Variants in MTR observed in about 807,000 individuals in gnomAD.
The protein encoded by MTR is 5-methyltetrahydrofolate-homocysteine methyltransferase, also known as methionine synthase.
In MTR, 84 loss-of-function variants were observed where a neutral mutation model predicts 154.8. The observed-to-expected ratio is 0.54, with a 90% CI of 0.45 to 0.65. MTR has a LOEUF of 0.65. MTR is among the 30% of genes least tolerant of loss of function. The pLI, the probability that MTR is intolerant of heterozygous loss-of-function variation, is 0.00. For missense variants in MTR, 1,275 were observed against 1,570.2 expected (o/e 0.81, Z 3.18); for synonymous variants, 554 against 553.9 (o/e 1.00, Z 0.00).
intron 22 of MTR, among the ~76,000 whole-genome samples, chr1:236,872,182 G>A (rs1469556453): frequency 6.0e-4 from 92 of 152,148 alleles, no homozygotes; most frequent in Non-Finnish European, 1.3e-4. Context: ...CATTTTCCAG[G>A]GCAGACATTC....
rs187578122 is a variant in MTR at position 236,896,107 on chromosome 1, G to A, written c.3598+557G>A. On this transcript the variant is annotated intron_variant, in intron 31 of 32. Transcript: ENST00000366577. Reference sequence around the variant, plus strand: ...TCTAAAAGCTGAAAATGACAAGCTGGCATGTGCCTTTCTGAGACAAAGGCC... The same window carrying A: ...TCTAAAAGCTGAAAATGACAAGCTGACATGTGCCTTTCTGAGACAAAGGCC... 5.9e-5 allele frequency among the ~76,000 whole-genome samples: 9 copies of A among 152,312 alleles called. No homozygotes were observed. In the East Asian group the frequency reaches 1.7e-3, roughly 29 times the overall value.
At chr1:236,808,058 G>A (rs1438175038) in intron 3 of MTR, among the ~76,000 whole-genome samples, 1 of 152,146 alleles carries the variant, frequency 6.6e-6, no homozygotes, top group South Asian at 2.1e-4. Flanking sequence ...GAATTCAAAG[G>A]AACTTGAAAA....
At chr1:236,896,900 C>T (rs1572352198) in intron 31 of MTR, 106 bp from the exon 32 acceptor site, 8 of 838,416 alleles carry the variant, frequency 9.5e-6, no homozygotes, top group Admixed American at 3.4e-5. Context: ...GGCATGAGCT[C>T]GCTTTGGTTC....
chr1:236,815,979 G>T (rs1349207341), intron 7 of MTR, among the ~76,000 whole-genome samples: 1 of 152,148 alleles, frequency 6.6e-6, no homozygotes, highest in East Asian at 1.9e-4. Flanking sequence ...CTTGCATGCT[G>T]ATGGCCACAT....
intron 29 of MTR, 92 bp from the exon 30 acceptor site, chr1:236,894,265 A>AT: frequency 8.0e-7 from 1 of 1,254,956 alleles, no homozygotes; most frequent in Non-Finnish European, 1.2e-6. Context: ...GCTTATTCTC[A>AT]TTTGACGATA....
intron 27 of MTR, among the ~76,000 whole-genome samples, chr1:236,887,997 T>A (rs1019368390): frequency 3.3e-5 from 5 of 152,160 alleles, no homozygotes; most frequent in African/African-American, 1.2e-4. Context: ...CAAACCAACA[T>A]AATAGGATAT....
At chr1:236,800,157 A>T (rs1480471349) in intron 1 of MTR, 1 of 985,306 alleles carries the variant, frequency 1.0e-6, no homozygotes, top group Non-Finnish European at 1.2e-6. Context: ...GATTTGCTCA[A>T]CTTGTGTGCA....
At chr1:236,864,128 G>T (rs1430607939) in intron 22 of MTR, among the ~76,000 whole-genome samples, 1 of 152,172 alleles carries the variant, frequency 6.6e-6, no homozygotes, top group Non-Finnish European at 1.5e-5. Context: ...TCATTTGCAT[G>T]TGAGAGCTGA....
chr1:236,834,227 T>C (rs1662775381), intron 13 of MTR, among the ~76,000 whole-genome samples: 2 of 152,244 alleles, frequency 1.3e-5, no homozygotes. Context: ...TCACCCAGGC[T>C]GGAGTGCGAT....
chr1:236,800,211 GGATATTGATT>G (rs1558268446), intron 1 of MTR: 1 of 985,380 alleles, frequency 1.0e-6, no homozygotes, highest in South Asian at 4.7e-5. Flanking sequence ...GTAAATAATA[GGATATTGATT>G]GATATTGATT....
At chr1:236,802,446 G>A (rs962306702) in intron 1 of MTR, among the ~76,000 whole-genome samples, 1 of 152,138 alleles carries the variant, frequency 6.6e-6, no homozygotes, top group Non-Finnish European at 1.5e-5. Flanking sequence ...GAAATCGGTG[G>A]TTGCTGAGGT....
chr1:236,854,397 A>C (rs909484409), intron 18 of MTR, among the ~76,000 whole-genome samples: 3 of 152,222 alleles, frequency 2.0e-5, no homozygotes, highest in Non-Finnish European at 2.9e-5. Flanking sequence ...ACTTCTCAGC[A>C]CATTACTTAA....
intron 18 of MTR, among the ~76,000 whole-genome samples, chr1:236,858,594 G>C (rs1196588037): frequency 6.6e-6 from 1 of 152,182 alleles, no homozygotes; most frequent in Non-Finnish European, 1.5e-5. Context: ...CATCCTTTTG[G>C]CTACAGTGTG....
At chr1:236,860,365 T>G (rs1664465255) in intron 19 of MTR, among the ~76,000 whole-genome samples, 1 of 152,086 alleles carries the variant, frequency 6.6e-6, no homozygotes, top group Non-Finnish European at 1.5e-5. Context: ...GGCTTCAGTT[T>G]CCTCATGTGT....
At chr1:236,801,529 C>T (rs917446260) in intron 1 of MTR, among the ~76,000 whole-genome samples, 5 of 152,186 alleles carry the variant, frequency 3.3e-5, no homozygotes, top group African/African-American at 1.2e-4. Flanking sequence ...CACCCAATAC[C>T]AGCTTACAAA....
intron 6 of MTR, 67 bp downstream of exon 6, chr1:236,812,911 G>A (rs926652401): frequency 8.5e-7 from 1 of 1,180,456 alleles, no homozygotes; most frequent in Admixed American, 1.7e-5. Flanking sequence ...CTAATGTAGG[G>A]AGAAGATAAT....
Position 236,863,229 on chromosome 1 carries a change from A to G in MTR, c.2305-225A>G, listed in dbSNP as rs79170509. Among the ~76,000 whole-genome samples the G allele has an allele frequency of 3.1e-3, 472 of 152,340 alleles. 2 individuals carry two copies. The highest frequency in any genetic ancestry group is 0.011 in the African/African-American group (451 of 41,564). On this transcript the variant is annotated intron_variant, in intron 21 of 32. Transcript: ENST00000366577. ...GCTGTTTTGTGTGTGAACATCAACT[A>G]TTCTTTGAAAGGATGGGACCTCCTG...
chr1:236,861,011 G>A (rs1000499662), intron 19 of MTR, 114 bp from the exon 20 acceptor site: 13 of 895,628 alleles, frequency 1.5e-5, no homozygotes, highest in Admixed American at 2.9e-5. Flanking sequence ...TCTGCTTCTG[G>A]AACCTGTGCT....
intron 9 of MTR, 47 bp from the exon 10 acceptor site, chr1:236,825,291 A>C (rs749768125): frequency 2.9e-6 from 4 of 1,367,186 alleles, no homozygotes; most frequent in Non-Finnish European, 4.1e-6. Context: ...AATACAGTGT[A>C]TATTTTTAAG....
Sources: allele counts gnomAD v4.1 joint callset (sites outside exome capture counted in the v4.1 genomes callset), GRCh38; gene constraint gnomAD v4.1.1; transcripts MANE v1.5; gene names NCBI Gene and HGNC (gene_info 2026-07-23, HGNC 2026-07-21).